FAM222B: variants seen among roughly 807,000 people sequenced by gnomAD.
FAM222B encodes family with sequence similarity 222 member B, also known as protein FAM222B.
In FAM222B, 12 loss-of-function variants were observed where a neutral mutation model predicts 38.0. That is an observed-to-expected ratio of 0.32 (90% CI 0.20 to 0.51). FAM222B has a LOEUF of 0.51. Among genes scored for constraint, FAM222B ranks in the 20% least tolerant of loss-of-function variants. FAM222B has a pLI of 0.97. For synonymous variants in FAM222B, 329 were observed against 317.2 expected (o/e 1.04, Z -0.40); for missense variants, 716 against 754.2 (o/e 0.95, Z 0.59).
intron 1 of FAM222B, among the ~76,000 whole-genome samples, chr17:28,842,297 G>A (rs1402277296): frequency 6.6e-6 from 1 of 151,984 alleles, no homozygotes; most frequent in Non-Finnish European, 1.5e-5. Context: ...CTATTACTCC[G>A]GGAGACCGAC....
chr17:28,847,593 C>G (rs939529445), upstream of FAM222B, among the ~76,000 whole-genome samples: 4 of 151,798 alleles, frequency 2.6e-5, no homozygotes, highest in African/African-American at 4.8e-5. Context: ...GACTCTATCT[C>G]AAACATAAAT....
chr17:28,799,464 A>AT (rs927579566), intron 1 of FAM222B, among the ~76,000 whole-genome samples: 4 of 146,926 alleles, frequency 2.7e-5, no homozygotes, highest in East Asian at 2.0e-4. Flanking sequence ...CGACCGGCTA[A>AT]TTTTTTTTTG....
At chr17:28,777,884 G>A (rs1159511604) in intron 1 of FAM222B, among the ~76,000 whole-genome samples, 1 of 151,866 alleles carries the variant, frequency 6.6e-6, no homozygotes. Context: ...GACTTCCTGG[G>A]TTCAGGTGAT....
chr17:28,769,174 C>CTTTTTTTTT (rs35918064), intron 1 of FAM222B, among the ~76,000 whole-genome samples: 18 of 82,572 alleles, frequency 2.2e-4, no homozygotes, highest in South Asian at 5.1e-4. Context: ...AATGTTAGTT[C>CTTTTTTTTT]TTTTTTTTTT....
At chr17:28,833,490 G>A (rs1348552755) in intron 1 of FAM222B, among the ~76,000 whole-genome samples, 2 of 150,898 alleles carry the variant, frequency 1.3e-5, no homozygotes, top group Admixed American at 1.3e-4. Context: ...GGTGGTGTGC[G>A]CCTGTAGTCC....
At chr17:28,806,757 G>T (rs1312234409) in intron 1 of FAM222B, among the ~76,000 whole-genome samples, 1 of 151,908 alleles carries the variant, frequency 6.6e-6, no homozygotes, top group Non-Finnish European at 1.5e-5. Context: ...AGCCTCTCAG[G>T]GTAGATATAG....
chr17:28,768,956 G>A (rs961262360), intron 1 of FAM222B, among the ~76,000 whole-genome samples: 2 of 151,510 alleles, frequency 1.3e-5, no homozygotes, highest in Non-Finnish European at 2.9e-5. Flanking sequence ...AGGAAAGGAA[G>A]AGAATTAACA....
intron 1 of FAM222B, among the ~76,000 whole-genome samples, chr17:28,771,185 G>A (rs1294402239): frequency 6.6e-6 from 1 of 151,906 alleles, no homozygotes; most frequent in East Asian, 1.9e-4. Flanking sequence ...AAATAAGAGA[G>A]TGCTTTCTTG....
At chr17:28,768,263 T>C (rs1003710800) in intron 1 of FAM222B, among the ~76,000 whole-genome samples, 1 of 152,168 alleles carries the variant, frequency 6.6e-6, no homozygotes. Flanking sequence ...AAAATCTCCT[T>C]ATTTTCTTGA....
intron 1 of FAM222B, among the ~76,000 whole-genome samples, chr17:28,818,975 C>T (rs1041083974): frequency 6.6e-6 from 1 of 152,118 alleles, no homozygotes; most frequent in Non-Finnish European, 1.5e-5. Context: ...CCTGAAAAAG[C>T]CCTGGACGCT....
chr17:28,852,403 C>G (rs1044301509), intron 1 of FAM222B, among the ~76,000 whole-genome samples: 1 of 151,806 alleles, frequency 6.6e-6, no homozygotes, highest in Non-Finnish European at 1.5e-5. Context: ...CCTGTTATCT[C>G]AGCACTTTGG....
chr17:28,822,256 G>A (rs977390075), intron 1 of FAM222B, among the ~76,000 whole-genome samples: 1 of 150,240 alleles, frequency 6.7e-6, no homozygotes, highest in African/African-American at 2.4e-5. Flanking sequence ...TCTTGACCTC[G>A]TGATCCACCC....
chr17:28,759,162 C>A lies in FAM222B; in HGVS notation c.797G>T (p.Ser266Ile). The part of the protein sequence containing the change: ...TLQHSQPPDL[S>I]SIVHQINQFC... ...CTGGTTGATCTGGTGCACGATGCTA[C>A]TCAGGTCCGGAGGCTGGCTGTGCTG... Residue 266 changes from serine (S) to isoleucine (I), a missense_variant, in exon 3 of 3, where the codon AGT (serine) becomes ATT (isoleucine). Physicochemically the swap from Ser to Ile is moderately radical, Grantham distance 142. Coordinates refer to ENST00000581407, the MANE Select transcript of FAM222B (RefSeq NM_001077498.3). The surrounding 1 kb of genome is among the most constrained non-coding windows in gnomAD (Gnocchi z 4.8). 1 of 1,612,886 alleles carries A rather than the reference C, an allele frequency of 6.2e-7. No individual in the cohort carries two copies. Among genetic ancestry groups the A allele is most frequent in the Non-Finnish European group, 8.5e-7 (1 of 1,179,452 alleles).
At chr17:28,778,826 A>G (rs777608382) in intron 1 of FAM222B, among the ~76,000 whole-genome samples, 19 of 146,404 alleles carry the variant, frequency 1.3e-4, no homozygotes, top group Non-Finnish European at 2.7e-4. Context: ...AGCCTCCCAA[A>G]GTGCTGGGAT....
chr17:28,780,203 C>T (rs1237408644), intron 1 of FAM222B, among the ~76,000 whole-genome samples: 1 of 152,014 alleles, frequency 6.6e-6, no homozygotes, highest in Non-Finnish European at 1.5e-5. Context: ...ATCTCCTGAC[C>T]TCATGATCTA....
intron 1 of FAM222B, among the ~76,000 whole-genome samples, chr17:28,852,401 C>T (rs1567916206): frequency 6.6e-6 from 1 of 152,036 alleles, no homozygotes; most frequent in South Asian, 2.1e-4. Flanking sequence ...CGCCTGTTAT[C>T]TCAGCACTTT....
chr17:28,784,631 C>A (rs1219005252), intron 1 of FAM222B, among the ~76,000 whole-genome samples: 2 of 151,060 alleles, frequency 1.3e-5, no homozygotes, highest in African/African-American at 4.9e-5. Flanking sequence ...GAGATCGAGA[C>A]CATCCTGGCT....
At chr17:28,800,124 C>T (rs901700616) in intron 1 of FAM222B, among the ~76,000 whole-genome samples, 5 of 151,970 alleles carry the variant, frequency 3.3e-5, no homozygotes, top group African/African-American at 7.2e-5. Context: ...CTCCGCCTCC[C>T]GCGTTCAAGC....
intron 1 of FAM222B, among the ~76,000 whole-genome samples, chr17:28,818,557 AAAAAATAAAAAT>A (rs1019684918): frequency 2.4e-4 from 36 of 151,624 alleles, no homozygotes; most frequent in African/African-American, 6.7e-4. Context: ...GAATAAAAAT[AAAAAATAAAAAT>A]AAAAATAAAA....
Sources: allele counts gnomAD v4.1 joint callset (sites outside exome capture counted in the v4.1 genomes callset), GRCh38; gene constraint gnomAD v4.1.1; non-coding constraint Gnocchi (gnomAD v3.1); transcripts MANE v1.5; gene names NCBI Gene and HGNC (gene_info 2026-07-23, HGNC 2026-07-21).